The following UBOX5 variants were observed in gnomAD, a reference collection of about 807,000 sequenced individuals.
UBOX5 encodes the protein U-box domain containing 5, also known as RING finger protein 37.
In UBOX5, 28 loss-of-function variants were observed where a neutral mutation model predicts 39.0. That is an observed-to-expected ratio of 0.72 (90% CI 0.53 to 0.98). UBOX5 has a LOEUF of 0.98. Among genes scored for constraint, UBOX5 ranks in the 50% least tolerant of loss-of-function variants. UBOX5 has a pLI of 0.00. For missense variants in UBOX5, 585 were observed against 674.4 expected (o/e 0.87, Z 1.47); for synonymous variants, 283 against 275.5 (o/e 1.03, Z -0.27).
At chr20:3,135,857 TG>T (rs2066467467) in intron 1 of UBOX5, 1 of 152,116 alleles carries the variant, frequency 6.6e-6, no homozygotes, top group Non-Finnish European at 1.5e-5. Flanking sequence ...ATCAGTAGGC[TG>T]GTTATGAAGT....
In UBOX5 at chr20:3,143,092, T is replaced by C. The variant is rs902588155; in HGVS notation, c.-42+16674A>G. Among the ~76,000 whole-genome samples, 108 of 138,686 alleles carry C rather than the reference T, an allele frequency of 7.8e-4. 1 individual carries two copies. The highest frequency in any genetic ancestry group is 3.4e-3 in the Admixed American group (45 of 13,074). 91.0% of individuals were successfully genotyped at this position (138,686 alleles called of 152,430 possible). A position where few individuals can be genotyped will look rare whatever the true frequency, so the allele number is the denominator to read the frequency against. ...ATTAAGCACAATAGCAGGTTAATCA[T>C]CTGTCTTTTTTTTTTTTTTTTTTTT... is the stretch of plus-strand genomic sequence containing the variant. On this transcript the variant is annotated intron_variant, in intron 1 of 4. Transcript: ENST00000217173.
At chr20:3,111,585 CT>C (rs2066254279) in intron 4 of UBOX5, 1 of 152,798 alleles carries the variant, frequency 6.5e-6, no homozygotes, top group Non-Finnish European at 1.5e-5. Flanking sequence ...CCAATCACTT[CT>C]TTGCACACTC....
In UBOX5 at chr20:3,149,187, A is replaced by T. The variant is rs1041356213; in HGVS notation, c.-42+10579T>A. 8.9e-7 allele frequency: 1 copy of T among 1,125,694 alleles called. No homozygotes were observed. Among genetic ancestry groups the T allele is most frequent in the African/African-American group, 1.6e-5 (1 of 63,804 alleles). 69.7% of individuals were successfully genotyped at this position (1,125,694 alleles called of 1,614,324 possible). A position where few individuals can be genotyped will look rare whatever the true frequency, so the allele number is the denominator to read the frequency against. ...GCTGGACGGGGAGGTGTTCCACAAAAACTGCCTGGAAATCTTCAGCATATC... is the reference window on the plus strand; with the variant it reads ...GCTGGACGGGGAGGTGTTCCACAAATACTGCCTGGAAATCTTCAGCATATC... On this transcript the variant is annotated intron_variant, in intron 1 of 4. Coordinates refer to ENST00000217173, the MANE Select transcript of UBOX5 (RefSeq NM_014948.4). This position sits in a 1 kb window ranked among gnomAD's most constrained non-coding sequence, Gnocchi z 4.1.
In UBOX5 at chr20:3,151,675, T is replaced by G. The variant is rs973935456; in HGVS notation, c.-42+8091A>C. ...AAAAATAAAAAATTTTAATTAAAAT[T>G]GGAAAAACTATAGAAAAATAGTACT... On this transcript the variant is annotated intron_variant, in intron 1 of 4. Transcript: ENST00000217173. 104 of 151,838 alleles carry G rather than the reference T, an allele frequency of 6.8e-4. 3 individuals are homozygous for G. The highest frequency in any genetic ancestry group is 6.8e-3 in the Admixed American group (104 of 15,266). The allele number at this position is 151,838 out of a possible 1,614,324, so 9.4% of individuals were successfully genotyped here. A position where few individuals can be genotyped will look rare whatever the true frequency, so the allele number is the denominator to read the frequency against.
At chr20:3,113,181 T>C (rs1477305663) in intron 4 of UBOX5, among the ~76,000 whole-genome samples, 3 of 140,456 alleles carry the variant, frequency 2.1e-5, no homozygotes, top group African/African-American at 8.1e-5. Flanking sequence ...CAGCTACTAG[T>C]GGGGGCTGAG....
rs2066334650 is a variant in UBOX5, at chr20:3,121,443, G to C, written c.1196C>G (p.Thr399Ser). Reference protein sequence around the residue: ...PLVLPTTSEHTAKKMKATNEP... With the variant: ...PLVLPTTSEHSAKKMKATNEP... ...ATTGGTGGCTTTCATTTTCTTAGCA[G>C]TGTGCTCTGAGGTAGTGGGTAAGAC... Residue 399 changes from threonine (T) to serine (S), a missense_variant, in exon 3 of 5, where the codon ACT (threonine) becomes AGT (serine). Thr to Ser is a moderately conservative substitution (Grantham distance 58). Coordinates refer to ENST00000217173, the MANE Select transcript of UBOX5 (RefSeq NM_014948.4). 6.2e-7 allele frequency: 1 copy of C among 1,614,122 alleles called. No individual in the cohort carries two copies. The highest frequency in any genetic ancestry group is 8.5e-7 in the Non-Finnish European group (1 of 1,180,020).
intron 1 of UBOX5, among the ~76,000 whole-genome samples, chr20:3,136,934 C>T (rs1410597438): frequency 2.0e-5 from 3 of 151,546 alleles, no homozygotes; most frequent in Admixed American, 6.6e-5. Context: ...GGTTTACAGG[C>T]GTGAGCTACT....
intron 1 of UBOX5, chr20:3,147,241 A>G: frequency 6.2e-7 from 1 of 1,614,202 alleles, no homozygotes; most frequent in Non-Finnish European, 8.5e-7. Context: ...CTACATTTTC[A>G]GCCGGCGTGG....
rs367588055 is a variant in UBOX5 at position 3,126,166 on chromosome 20, A to C, written c.-41-2760T>G. Reference sequence around the variant, plus strand: ...GACTCCATTTTGTTCTGTACTAAGAAAAATTCTTCTGCCTTGGGATGCTGT... The same window carrying C: ...GACTCCATTTTGTTCTGTACTAAGACAAATTCTTCTGCCTTGGGATGCTGT... On this transcript the variant is annotated intron_variant, in intron 1 of 4. Coordinates refer to ENST00000217173, the MANE Select transcript of UBOX5 (RefSeq NM_014948.4). Among the ~76,000 whole-genome samples, 44 of 152,350 alleles carry C rather than the reference A, an allele frequency of 2.9e-4. No homozygotes were observed. In the East Asian group the frequency reaches 6.8e-3, roughly 23 times the overall value.
At chr20:3,157,745 T>C (rs1401365256) in intron 1 of UBOX5, among the ~76,000 whole-genome samples, 1 of 152,210 alleles carries the variant, frequency 6.6e-6, no homozygotes, top group East Asian at 1.9e-4. Flanking sequence ...ATGCACACAG[T>C]CGTCATAAGA....
intron 1 of UBOX5, among the ~76,000 whole-genome samples, chr20:3,158,662 G>C (rs964769172): frequency 7.9e-5 from 12 of 152,190 alleles, no homozygotes; most frequent in African/African-American, 2.6e-4. Flanking sequence ...TTTTAGTAGA[G>C]ACGGGGTTTC....
chr20:3,152,194 T>C (rs370791464), intron 1 of UBOX5, among the ~76,000 whole-genome samples: 4 of 151,488 alleles, frequency 2.6e-5, no homozygotes, highest in African/African-American at 4.9e-5. Context: ...AGAAGACCTA[T>C]TTTTGGCTGG....
At position 3,110,059 on chromosome 20, in the gene UBOX5, C is replaced by T. The variant is rs1043349916; in HGVS notation, c.*47G>A. 3.1e-6 allele frequency: 5 copies of T among 1,601,588 alleles called. No homozygotes were observed. Among genetic ancestry groups the T allele is most frequent in the Admixed American group, 1.7e-5 (1 of 59,992 alleles). On this transcript the variant is annotated 3_prime_UTR_variant, in exon 5 of 5. Transcript: ENST00000217173. ...GTGCTGTGGCCCTGCTCCTGTTCCCCCTCAGCTCCTCCCAGCAATGGGTCT... is the reference window on the plus strand; with the variant it reads ...GTGCTGTGGCCCTGCTCCTGTTCCCTCTCAGCTCCTCCCAGCAATGGGTCT...
At chr20:3,114,932 G>A (rs1325557905) in intron 4 of UBOX5, among the ~76,000 whole-genome samples, 1 of 151,914 alleles carries the variant, frequency 6.6e-6, no homozygotes, top group Non-Finnish European at 1.5e-5. Context: ...TGGGCAACAG[G>A]GCGAGATGCA....
intron 1 of UBOX5, among the ~76,000 whole-genome samples, chr20:3,152,751 T>C (rs2066644402): frequency 4.0e-5 from 6 of 151,352 alleles, no homozygotes; most frequent in Admixed American, 4.0e-4. Flanking sequence ...CTACTAAAAA[T>C]ACAAAAATTA....
chr20:3,114,746 G>A (rs1185953043), intron 4 of UBOX5, among the ~76,000 whole-genome samples: 3 of 152,094 alleles, frequency 2.0e-5, no homozygotes, highest in East Asian at 1.9e-4. Flanking sequence ...TCGGGAGTTC[G>A]AGACCAGCCT....
intron 3 of UBOX5, among the ~76,000 whole-genome samples, chr20:3,116,326 C>A (rs529043122): frequency 3.3e-5 from 5 of 152,210 alleles, no homozygotes; most frequent in Non-Finnish European, 5.9e-5. Context: ...ATTTAGGGGA[C>A]CTTTAGTGTA....
chr20:3,158,408 G>A (rs1315916338), intron 1 of UBOX5, among the ~76,000 whole-genome samples: 1 of 152,208 alleles, frequency 6.6e-6, no homozygotes, highest in African/African-American at 2.4e-5. Flanking sequence ...AACTGCCAAA[G>A]GCCTCACTTT....
At chr20:3,143,492 A>G (rs1412355913) in intron 1 of UBOX5, among the ~76,000 whole-genome samples, 1 of 152,034 alleles carries the variant, frequency 6.6e-6, no homozygotes, top group Admixed American at 6.6e-5. Flanking sequence ...AAAAGAATAA[A>G]ATAATTAGGA....
Sources: gnomAD v4.1 joint callset for allele counts (sites outside exome capture counted in the v4.1 genomes callset) on GRCh38, gnomAD v4.1.1 for gene constraint, Gnocchi (gnomAD v3.1) non-coding constraint, MANE v1.5 for transcripts, NCBI Gene and HGNC (gene_info 2026-07-23, HGNC 2026-07-21) for gene names.